The following RYR2 variants were observed in gnomAD, a reference collection of about 807,000 sequenced individuals.
RYR2 encodes cardiac muscle ryanodine receptor-calcium release channel.
RYR2 carries 227 observed loss-of-function variants against 601.1 expected under a neutral mutation model. The ratio of observed to expected loss-of-function variants is 0.38; its 90% CI spans 0.34 to 0.42. The LOEUF (loss-of-function observed/expected upper bound fraction) is 0.42, where lower values mean the gene tolerates loss of function less well. RYR2 is among the 10% of genes least tolerant of loss of function. RYR2 has a pLI of 1.00. For synonymous variants in RYR2, 2,223 were observed against 2,175.1 expected (o/e 1.02, Z -0.61); for missense variants, 4,646 against 6,156.5 (o/e 0.75, Z 8.21).
chr1:237,120,895 A>G (rs749020986), intron 1 of RYR2: 1 of 152,276 alleles, frequency 6.6e-6, no homozygotes, highest in African/African-American at 2.4e-5. Flanking sequence ...CCCTCATGCC[A>G]TGTGCCTCCC....
intron 44 of RYR2, among the ~76,000 whole-genome samples, chr1:237,636,826 C>G (rs1680922834): frequency 6.6e-6 from 1 of 152,134 alleles, no homozygotes; most frequent in African/African-American, 2.4e-5. Flanking sequence ...CTGTGATATA[C>G]CCATATACGG....
At chr1:237,335,696 T>G (rs1353817171) in intron 3 of RYR2, among the ~76,000 whole-genome samples, 2 of 152,140 alleles carry the variant, frequency 1.3e-5, no homozygotes, top group African/African-American at 4.8e-5. Flanking sequence ...TAGATTGAAC[T>G]AGAGAAAAAA....
intron 1 of RYR2, among the ~76,000 whole-genome samples, chr1:237,100,925 T>G (rs998238157): frequency 6.6e-6 from 1 of 152,012 alleles, no homozygotes; most frequent in Non-Finnish European, 1.5e-5. Context: ...GCCTGTCCAG[T>G]CTGGTCCTCT....
intron 11 of RYR2, among the ~76,000 whole-genome samples, chr1:237,420,979 G>A (rs1363590315): frequency 1.3e-5 from 2 of 152,146 alleles, no homozygotes; most frequent in South Asian, 2.1e-4. Flanking sequence ...GGTGGCTCAC[G>A]CCTGTAATCC....
Position 237,660,915 on chromosome 1 carries a change from AAC to A in RYR2, c.8405_8406del (p.Asn2802ThrfsTer25). ...TREGDSMALY[N>X]RTRRISQTSQ... is the part of the protein sequence containing the mutation. Reference sequence around the variant, plus strand: ...GGAGGGAGACAGCATGGCCCTTTACAACCGGACTCGTCGTATTTCTCAGACAA... The same window carrying A: ...GGAGGGAGACAGCATGGCCCTTTACACGGACTCGTCGTATTTCTCAGACAA... On this transcript the variant is annotated frameshift_variant, in exon 56 of 105. Coordinates refer to ENST00000366574, the MANE Select transcript of RYR2 (RefSeq NM_001035.3). LOFTEE classifies it high-confidence loss of function. 6.7e-7 allele frequency: 1 copy of A among 1,482,558 alleles called. No homozygotes were observed. Among genetic ancestry groups the A allele is most frequent in the Non-Finnish European group, 9.0e-7 (1 of 1,111,340 alleles). The allele number at this position is 1,482,558 out of a possible 1,614,324, so 91.8% of individuals were successfully genotyped here. A position where few individuals can be genotyped will look rare whatever the true frequency, so the allele number is the denominator to read the frequency against.
chr1:237,092,976 G>A (rs991984476), intron 1 of RYR2, among the ~76,000 whole-genome samples: 8 of 152,138 alleles, frequency 5.3e-5, no homozygotes, highest in East Asian at 1.9e-4. Context: ...GTGTGTGGGC[G>A]TATATGGGTG....
intron 102 of RYR2, chr1:237,830,282 A>G (rs1052186178): frequency 1.0e-4 from 39 of 374,136 alleles, no homozygotes; most frequent in African/African-American, 7.7e-4. Flanking sequence ...AGCCATCATC[A>G]TCATCATCTT....
chr1:237,791,651 T>C, intron 93 of RYR2, 136 bp downstream of exon 93: 1 of 607,998 alleles, frequency 1.6e-6, no homozygotes. Context: ...GCCTAGGCAC[T>C]GATATCACTG....
chr1:237,602,189 C>A, intron 35 of RYR2, 78 bp downstream of exon 35: 1 of 1,079,508 alleles, frequency 9.3e-7, no homozygotes, highest in South Asian at 1.5e-5. Flanking sequence ...GAAATGAATT[C>A]AGTATATTAG....
intron 10 of RYR2, among the ~76,000 whole-genome samples, chr1:237,393,976 A>C (rs971383670): frequency 1.3e-5 from 2 of 152,342 alleles, no homozygotes; most frequent in Non-Finnish European, 2.9e-5. Flanking sequence ...AAAATGAAAA[A>C]CAATGAGACA....
intron 67 of RYR2, among the ~76,000 whole-genome samples, 154 bp from the exon 68 acceptor site, chr1:237,706,795 A>G (rs1238889618): frequency 6.6e-6 from 1 of 152,192 alleles, no homozygotes; most frequent in African/African-American, 2.4e-5. Flanking sequence ...GCTTTGAAAT[A>G]GCTACCTTGA....
At chr1:237,336,245 A>C (rs1417386276) in intron 3 of RYR2, among the ~76,000 whole-genome samples, 3 of 152,190 alleles carry the variant, frequency 2.0e-5, no homozygotes, top group Non-Finnish European at 2.9e-5. Context: ...TTAATAGAAA[A>C]ATCATTTCAA....
At chr1:237,173,733 TAA>T (rs1190561878) in intron 1 of RYR2, among the ~76,000 whole-genome samples, 1 of 152,144 alleles carries the variant, frequency 6.6e-6, no homozygotes, top group Non-Finnish European at 1.5e-5. Context: ...ACAAGAGCAT[TAA>T]AAGAGAGTTT....
intron 2 of RYR2, among the ~76,000 whole-genome samples, chr1:237,325,829 A>G (rs1032062032): frequency 1.3e-5 from 2 of 152,178 alleles, no homozygotes; most frequent in Admixed American, 6.5e-5. Flanking sequence ...CGTCCCTACA[A>G]GGAGATGTTT....
intron 98 of RYR2, among the ~76,000 whole-genome samples, chr1:237,803,507 A>T (rs111656057): frequency 1.3e-5 from 2 of 151,932 alleles, no homozygotes; most frequent in Admixed American, 1.3e-4. Context: ...TCACCATGTT[A>T]GCCAGGATGG....
chr1:237,566,791 C>T lies in RYR2; in HGVS notation c.3423+16C>T. 5 of 1,613,496 alleles carry T rather than the reference C, an allele frequency of 3.1e-6. No homozygotes were observed. The highest frequency in any genetic ancestry group is 4.2e-6 in the Non-Finnish European group (5 of 1,179,520). On this transcript the variant is annotated intron_variant, in intron 28 of 104. Transcript: ENST00000366574. ...TGGCTTCAAGGTGAGTGGACTTTGTCCTGTGCCAGTCATCTGTACGTGCTG... is the reference window on the plus strand; with the variant it reads ...TGGCTTCAAGGTGAGTGGACTTTGTTCTGTGCCAGTCATCTGTACGTGCTG...
At chr1:237,760,164 G>GCAAGACT (rs1466311056) in intron 83 of RYR2, among the ~76,000 whole-genome samples, 2 of 150,436 alleles carry the variant, frequency 1.3e-5, no homozygotes, top group African/African-American at 4.9e-5. Context: ...GGGTAACAGG[G>GCAAGACT]CAAGACTCCA....
At position 237,251,028 on chromosome 1, in the gene RYR2, ATGTGTGTG is replaced by A. The variant is rs3056167; in HGVS notation, c.49-19441_49-19434del. 5.4e-3 allele frequency among the ~76,000 whole-genome samples: 747 copies of A among 139,312 alleles called. 3 individuals are homozygous for A. Among genetic ancestry groups the A allele is most frequent in the African/African-American group, 0.017 (645 of 38,980 alleles). 91.4% of individuals were successfully genotyped at this position (139,312 alleles called of 152,430 possible). A position where few individuals can be genotyped will look rare whatever the true frequency, so the allele number is the denominator to read the frequency against. ...TTTCTTTATACCAATTCCCCAACAG[ATGTGTGTG>A]TGTGTGTGTGTGTGTGTGTGTGTGT... On this transcript the variant is annotated intron_variant, in intron 1 of 104. Transcript: ENST00000366574.
intron 60 of RYR2, 61 bp from the exon 61 acceptor site, chr1:237,677,987 G>T: frequency 2.0e-6 from 2 of 988,070 alleles, no homozygotes; most frequent in Admixed American, 1.9e-5. Context: ...TTTGCATTAT[G>T]GATGAATATC....
Sources: gnomAD v4.1 joint callset for allele counts (sites outside exome capture counted in the v4.1 genomes callset) on GRCh38, gnomAD v4.1.1 for gene constraint, MANE v1.5 for transcripts, NCBI Gene and HGNC (gene_info 2026-07-23, HGNC 2026-07-21) for gene names.